The following GNA14 variants were observed in gnomAD, a reference collection of about 807,000 sequenced individuals.
The protein encoded by GNA14 is G protein subunit alpha 14.
GNA14 carries 50 observed loss-of-function variants against 42.0 expected under a neutral mutation model. The observed-to-expected ratio is 1.19, with a 90% confidence interval of 0.95 to 1.51. The LOEUF is 1.51. GNA14 is among the 40% of genes most tolerant of loss of function. The probability of loss-of-function intolerance (pLI) is 0.00; values close to 1 mark genes in which losing one functional copy is unlikely to be tolerated. For missense variants in GNA14, 473 were observed against 446.2 expected (o/e 1.06, Z -0.54); for synonymous variants, 173 against 163.1 (o/e 1.06, Z -0.46).
chr9:77,639,637 G>A (rs1468436431), intron 1 of GNA14, among the ~76,000 whole-genome samples: 1 of 152,226 alleles, frequency 6.6e-6, no homozygotes, highest in East Asian at 1.9e-4. Flanking sequence ...AGCAGCAGCA[G>A]CGACTGGCAG....
At chr9:77,485,062 G>C (rs1040469560) in intron 2 of GNA14, among the ~76,000 whole-genome samples, 2 of 152,130 alleles carry the variant, frequency 1.3e-5, no homozygotes, top group Admixed American at 6.6e-5. Context: ...AATGAAGTTT[G>C]CCGCATTGAT....
chr9:77,495,349 G>A (rs1564031524), intron 2 of GNA14, among the ~76,000 whole-genome samples: 1 of 151,996 alleles, frequency 6.6e-6, no homozygotes, highest in Non-Finnish European at 1.5e-5. Flanking sequence ...GTATAGAGTT[G>A]GTGCTGGGAG....
chr9:77,510,929 G>A (rs140100615), intron 2 of GNA14, among the ~76,000 whole-genome samples: 236 of 152,142 alleles, frequency 1.6e-3, no homozygotes, highest in African/African-American at 5.1e-3. Context: ...CCTTGGTGGG[G>A]GAGGAGAGAT....
chr9:77,605,245 A>G (rs1823629002), intron 1 of GNA14, among the ~76,000 whole-genome samples: 1 of 152,236 alleles, frequency 6.6e-6, no homozygotes, highest in Admixed American at 6.5e-5. Context: ...CCTGGACCTC[A>G]GGTCTTGACC....
chr9:77,492,629 C>G (rs1836794726), intron 2 of GNA14, among the ~76,000 whole-genome samples: 1 of 152,090 alleles, frequency 6.6e-6, no homozygotes, highest in South Asian at 2.1e-4. Flanking sequence ...ATAGAAAACC[C>G]TAACGCAATG....
At chr9:77,576,984 T>C (rs1823139571) in intron 1 of GNA14, among the ~76,000 whole-genome samples, 1 of 152,204 alleles carries the variant, frequency 6.6e-6, no homozygotes, top group Non-Finnish European at 1.5e-5. Flanking sequence ...TGCTAACCTC[T>C]AGCATTTTCC....
chr9:77,608,141 G>A (rs1040898510), intron 1 of GNA14, among the ~76,000 whole-genome samples: 1 of 152,168 alleles, frequency 6.6e-6, no homozygotes, highest in Non-Finnish European at 1.5e-5. Context: ...GCAGAGTACT[G>A]AACCAAAGAA....
chr9:77,600,679 A>AG (rs1564063497), intron 1 of GNA14, among the ~76,000 whole-genome samples: 1 of 152,222 alleles, frequency 6.6e-6, no homozygotes, highest in African/African-American at 2.4e-5. Context: ...GCACTTTGGG[A>AG]GGCCGATGTG....
intron 1 of GNA14, among the ~76,000 whole-genome samples, chr9:77,607,185 G>A (rs1178087127): frequency 6.6e-6 from 1 of 152,210 alleles, no homozygotes; most frequent in Non-Finnish European, 1.5e-5. Flanking sequence ...TTTTCTGGGA[G>A]CTTCAACAGT....
intron 1 of GNA14, among the ~76,000 whole-genome samples, chr9:77,641,593 G>A (rs75320513): frequency 0.082 from 12,426 of 151,970 alleles, 893 homozygotes; most frequent in East Asian, 0.23. Context: ...AGGGAGAGGG[G>A]ACTGTATTTT....
intron 1 of GNA14, among the ~76,000 whole-genome samples, chr9:77,601,943 G>A (rs1292072629): frequency 1.3e-5 from 2 of 152,336 alleles, no homozygotes; most frequent in East Asian, 3.9e-4. Flanking sequence ...CAAACTGATA[G>A]CCAATTAAAC....
intron 2 of GNA14, among the ~76,000 whole-genome samples, chr9:77,490,468 G>A (rs1564030079): frequency 6.6e-6 from 1 of 152,248 alleles, no homozygotes. Context: ...GGCTGCACAG[G>A]AACCCATGGA....
intron 2 of GNA14, among the ~76,000 whole-genome samples, chr9:77,485,226 A>G (rs1307476657): frequency 6.6e-6 from 1 of 152,240 alleles, no homozygotes; most frequent in South Asian, 2.1e-4. Flanking sequence ...CATTTCAAAA[A>G]TGTTCACAGC....
chr9:77,601,530 T>C (rs979223013), intron 1 of GNA14, among the ~76,000 whole-genome samples: 7 of 152,210 alleles, frequency 4.6e-5, no homozygotes, highest in Admixed American at 1.3e-4. Flanking sequence ...TGTGTAACAA[T>C]AGAAATTCTA....
intron 1 of GNA14, among the ~76,000 whole-genome samples, chr9:77,596,952 T>C (rs1442970273): frequency 6.6e-6 from 1 of 152,200 alleles, no homozygotes; most frequent in African/African-American, 2.4e-5. Flanking sequence ...CTTACATTTG[T>C]TGATTGATGT....
intron 2 of GNA14, among the ~76,000 whole-genome samples, chr9:77,479,403 C>G (rs540020271): frequency 1.3e-3 from 205 of 152,248 alleles, no homozygotes; most frequent in African/African-American, 4.8e-3. Context: ...GGTACCAGTA[C>G]CATGCTGTTT....
intron 1 of GNA14, among the ~76,000 whole-genome samples, chr9:77,576,202 G>A (rs1468114762): frequency 6.6e-6 from 1 of 152,148 alleles, no homozygotes; most frequent in Non-Finnish European, 1.5e-5. Flanking sequence ...GGGATATGGT[G>A]AGGGAGGGTC....
intron 1 of GNA14, among the ~76,000 whole-genome samples, chr9:77,623,958 C>A (rs1408525938): frequency 6.6e-6 from 1 of 152,128 alleles, no homozygotes; most frequent in African/African-American, 2.4e-5. Flanking sequence ...AGCCAGGGAG[C>A]CAAGTGGTCT....
At chr9:77,455,497 C>T (rs559921695) in intron 2 of GNA14, among the ~76,000 whole-genome samples, 15 of 152,340 alleles carry the variant, frequency 9.8e-5, no homozygotes, top group East Asian at 5.8e-4. Context: ...TTATGCAGGA[C>T]GTGTACACCA....
Sources: allele counts gnomAD v4.1 joint callset (sites outside exome capture counted in the v4.1 genomes callset), GRCh38; gene constraint gnomAD v4.1.1; transcripts MANE v1.5; gene names NCBI Gene and HGNC (gene_info 2026-07-23, HGNC 2026-07-21).